Variants in FMN1 observed in about 807,000 individuals in gnomAD.
The protein encoded by FMN1 is formin-1.
In FMN1, 110 loss-of-function variants were observed where a neutral mutation model predicts 132.4. The ratio of observed to expected loss-of-function variants is 0.83; its 90% CI spans 0.71 to 0.97. The LOEUF (loss-of-function observed/expected upper bound fraction) is 0.97. Ranked by LOEUF, FMN1 falls within the 50% of genes least tolerant of loss-of-function variation. The pLI is 0.00. For synonymous variants in FMN1, 722 were observed against 651.7 expected, an observed-to-expected ratio of 1.11 and a Z score of -1.64; for missense variants, 1,792 against 1,705.3, an observed-to-expected ratio of 1.05 and a Z score of -0.90.
chr15:33,031,524 T>A (rs891208242), intron 6 of FMN1, among the ~76,000 whole-genome samples: 3 of 152,166 alleles, frequency 2.0e-5, no homozygotes, highest in Non-Finnish European at 4.4e-5. Flanking sequence ...GCCATTACTA[T>A]CCCCATTAAA....
intron 6 of FMN1, among the ~76,000 whole-genome samples, chr15:33,053,834 T>C (rs1271534536): frequency 6.6e-6 from 1 of 152,222 alleles, no homozygotes; most frequent in Non-Finnish European, 1.5e-5. Flanking sequence ...GAGGATGTGT[T>C]CGTTAACTCA....
intron 9 of FMN1, among the ~76,000 whole-genome samples, chr15:32,956,371 T>TAA (rs200916184): frequency 3.0e-4 from 38 of 124,706 alleles, no homozygotes; most frequent in African/African-American, 5.7e-4. Context: ...TTTTTTTTTT[T>TAA]TAAAAAAATA....
At chr15:33,065,220 A>G (rs1049452502) in intron 5 of FMN1, 146 bp from the exon 6 acceptor site, 15 of 521,384 alleles carry the variant, frequency 2.9e-5, no homozygotes, top group East Asian at 9.3e-5. Flanking sequence ...ATATCTCACT[A>G]TAGTGTGACC....
intron 6 of FMN1, chr15:33,012,724 G>C: frequency 1.3e-6 from 1 of 755,890 alleles, no homozygotes; most frequent in Non-Finnish European, 2.4e-6. Flanking sequence ...AAACTTTCGT[G>C]GTGGCCATGG....
intron 3 of FMN1, among the ~76,000 whole-genome samples, chr15:33,159,025 A>T (rs1964787709): frequency 6.6e-6 from 1 of 152,248 alleles, no homozygotes; most frequent in South Asian, 2.1e-4. Context: ...CTAAAAATAC[A>T]GAAAAAATTA....
At chr15:33,077,729 T>C (rs2141306546) in intron 5 of FMN1, among the ~76,000 whole-genome samples, 1 of 151,898 alleles carries the variant, frequency 6.6e-6, no homozygotes, top group South Asian at 2.1e-4. Flanking sequence ...GAGAAAATTT[T>C]TGCAACCTAC....
rs577704788 is a variant in FMN1 at position 32,902,100 on chromosome 15, C to T, written c.3378-60G>A. ...TATAATCACAAGGAAAATAAAAAGA[C>T]AGCTGAAAAAGACCCACTTTGGGAA... On this transcript the variant is annotated intron_variant, in intron 12 of 20. Coordinates refer to ENST00000616417, the MANE Select transcript of FMN1 (RefSeq NM_001277313.2). 54 of 1,508,450 alleles carry T rather than the reference C, an allele frequency of 3.6e-5. No individual in the cohort carries two copies. In the Middle Eastern group the frequency reaches 5.4e-4, roughly 15 times the overall value. The allele number at this position is 1,508,450 out of a possible 1,614,324, so 93.4% of individuals were successfully genotyped here.
At chr15:33,103,158 T>C (rs2039358018) in intron 4 of FMN1, among the ~76,000 whole-genome samples, 1 of 152,060 alleles carries the variant, frequency 6.6e-6, no homozygotes, top group African/African-American at 2.4e-5. Context: ...GTTCAGAACA[T>C]CCAGGTTTTT....
At chr15:32,833,691 T>C (rs2058557773) in intron 17 of FMN1, among the ~76,000 whole-genome samples, 1 of 152,176 alleles carries the variant, frequency 6.6e-6, no homozygotes, top group African/African-American at 2.4e-5. Flanking sequence ...AGGTCTCCAT[T>C]GAAAATACCA....
chr15:32,857,475 A>G (rs2141292731), intron 16 of FMN1, among the ~76,000 whole-genome samples: 1 of 152,268 alleles, frequency 6.6e-6, no homozygotes, highest in Admixed American at 6.5e-5. Flanking sequence ...TAAGGGCCTC[A>G]GCCCTCCTCA....
intron 10 of FMN1, among the ~76,000 whole-genome samples, chr15:32,917,751 A>G (rs1055007262): frequency 2.0e-5 from 3 of 152,208 alleles, no homozygotes; most frequent in Admixed American, 6.5e-5. Flanking sequence ...TAATCATTCC[A>G]CTTAAAATCC....
At chr15:33,087,196 A>G (rs1285565223) in intron 5 of FMN1, among the ~76,000 whole-genome samples, 1 of 152,248 alleles carries the variant, frequency 6.6e-6, no homozygotes, top group East Asian at 1.9e-4. Context: ...ACCCCAGCCC[A>G]GTGCTTTCTA....
At chr15:32,920,700 C>T (rs1036805820) in intron 10 of FMN1, among the ~76,000 whole-genome samples, 41 of 152,212 alleles carry the variant, frequency 2.7e-4, no homozygotes, top group African/African-American at 9.2e-4. Context: ...CCTGTGTTTT[C>T]AGTTTCTGGC....
intron 17 of FMN1, among the ~76,000 whole-genome samples, chr15:32,832,590 C>T (rs2058527542): frequency 1.3e-5 from 2 of 152,036 alleles, no homozygotes; most frequent in Admixed American, 6.6e-5. Flanking sequence ...TCATCTTGGC[C>T]AACATGGTGA....
At chr15:33,012,505 A>G (rs765123326) in intron 6 of FMN1, 601 of 1,449,906 alleles carry the variant, frequency 4.1e-4, no homozygotes, top group Non-Finnish European at 5.2e-4. Context: ...GTATGGAAAA[A>G]TGGAAGTGAT....
intron 7 of FMN1, among the ~76,000 whole-genome samples, chr15:32,974,402 C>G (rs1377255147): frequency 2.0e-5 from 3 of 152,212 alleles, no homozygotes. Flanking sequence ...CTGCAATAGT[C>G]TGTTATAATA....
intron 12 of FMN1, among the ~76,000 whole-genome samples, chr15:32,904,390 C>T (rs745370261): frequency 2.6e-5 from 4 of 152,070 alleles, no homozygotes; most frequent in African/African-American, 7.3e-5. Context: ...AACTTCTGAA[C>T]GAATGAAGGG....
rs754836363 is a variant in FMN1, at chr15:33,067,905, G to C, written c.2044-2831C>G. The C allele has an allele frequency of 4.4e-6, 7 of 1,586,140 alleles. No individual in the cohort carries two copies. In the South Asian group the frequency reaches 7.0e-5, roughly 16 times the overall value. ...TCCATGTCTCAGTAATGCCCTTGGTGGAAGTTCTGACTTGTGTTACCTTCT... is the reference window on the plus strand; with the variant it reads ...TCCATGTCTCAGTAATGCCCTTGGTCGAAGTTCTGACTTGTGTTACCTTCT... On this transcript the variant is annotated intron_variant, in intron 5 of 20. Coordinates refer to ENST00000616417, the MANE Select transcript of FMN1 (RefSeq NM_001277313.2).
chr15:32,917,565 C>G (rs185563216), intron 10 of FMN1, among the ~76,000 whole-genome samples: 2 of 152,168 alleles, frequency 1.3e-5, no homozygotes, highest in Non-Finnish European at 1.5e-5. Context: ...TGTATTTAAT[C>G]ATATGAGGCG....
Sources: allele counts gnomAD v4.1 joint callset (sites outside exome capture counted in the v4.1 genomes callset), GRCh38; gene constraint gnomAD v4.1.1; transcripts MANE v1.5; gene names NCBI Gene and HGNC (gene_info 2026-07-23, HGNC 2026-07-21).